LINGO2: variants seen among roughly 807,000 people sequenced by gnomAD.
LINGO2 encodes the protein leucine-rich repeat and immunoglobulin-like domain-containing nogo receptor-interacting protein 2.
LINGO2 carries 14 observed loss-of-function variants against 30.6 expected under a neutral mutation model. The ratio of observed to expected loss-of-function variants is 0.46; its 90% confidence interval spans 0.30 to 0.72. The LOEUF (loss-of-function observed/expected upper bound fraction) is 0.72, where lower values mean the gene tolerates loss of function less well. LINGO2 is among the 30% of genes least tolerant of loss of function. The probability of loss-of-function intolerance (pLI) is 0.07; values close to 1 mark genes in which losing one functional copy is unlikely to be tolerated. For missense variants in LINGO2, 729 were observed against 751.7 expected (o/e 0.97, Z 0.35); for synonymous variants, 317 against 288.5 (o/e 1.10, Z -1.00).
intron 2 of LINGO2, among the ~76,000 whole-genome samples, chr9:28,458,891 A>G (rs1475452518): frequency 6.6e-6 from 1 of 152,200 alleles, no homozygotes; most frequent in Non-Finnish European, 1.5e-5. Flanking sequence ...ACAAAAAGCT[A>G]TGAAGCATAA....
At chr9:28,918,710 G>A in the LINGO2 span, among the ~76,000 whole-genome samples, 12 of 152,076 alleles carry the variant, frequency 7.9e-5, no homozygotes, top group African/African-American at 2.2e-4. Flanking sequence ...GCGGAATAAC[G>A]TTCCAAATGT....
At chr9:28,095,811 T>A (rs1826226843) in intron 4 of LINGO2, among the ~76,000 whole-genome samples, 2 of 152,140 alleles carry the variant, frequency 1.3e-5, no homozygotes, top group East Asian at 1.9e-4. Context: ...AACCTGCTCA[T>A]CTGACAAAGG....
At chr9:28,341,249 C>G (rs563061670) in intron 3 of LINGO2, among the ~76,000 whole-genome samples, 1 of 151,974 alleles carries the variant, frequency 6.6e-6, no homozygotes, top group African/African-American at 2.4e-5. Context: ...TTAATATATG[C>G]TGACAACAGT....
the LINGO2 span, among the ~76,000 whole-genome samples, chr9:28,952,650 T>A: frequency 6.6e-6 from 1 of 152,036 alleles, no homozygotes; most frequent in African/African-American, 2.4e-5. Flanking sequence ...ACTGGCCTTT[T>A]CGAGACCTAT....
At chr9:28,339,783 A>G (rs768871344) in intron 3 of LINGO2, among the ~76,000 whole-genome samples, 2 of 152,174 alleles carry the variant, frequency 1.3e-5, no homozygotes, top group African/African-American at 2.4e-5. Context: ...CAATGTGAAG[A>G]TCTGTTATTA....
At chr9:29,103,572 T>C in the LINGO2 span, among the ~76,000 whole-genome samples, 1 of 152,064 alleles carries the variant, frequency 6.6e-6, no homozygotes, top group East Asian at 1.9e-4. Flanking sequence ...ATATATTTCT[T>C]TATTTTAGGT....
chr9:28,390,201 G>A lies in LINGO2; in HGVS notation c.-278-17333C>T, dbSNP rs569287950. ...CCACGGTTTCTGCCTTCTGCTGTACGATGCTACCACACATTGTGAGAAAAT... is the reference window on the plus strand; with the variant it reads ...CCACGGTTTCTGCCTTCTGCTGTACAATGCTACCACACATTGTGAGAAAAT... On this transcript the variant is annotated intron_variant, in intron 2 of 5. Transcript: ENST00000379992. Among the ~76,000 whole-genome samples, 9 of 152,158 alleles carry A rather than the reference G, an allele frequency of 5.9e-5. No homozygotes were observed. In the South Asian group the frequency reaches 1.0e-3, roughly 18 times the overall value.
chr9:28,532,202 C>T (rs1821259913), intron 1 of LINGO2, among the ~76,000 whole-genome samples: 1 of 152,094 alleles, frequency 6.6e-6, no homozygotes, highest in African/African-American at 2.4e-5. Context: ...GGGATAATAT[C>T]TTTCAGACAG....
intron 1 of LINGO2, among the ~76,000 whole-genome samples, chr9:28,583,455 T>A (rs1824366659): frequency 6.6e-6 from 1 of 151,928 alleles, no homozygotes; most frequent in Non-Finnish European, 1.5e-5. Context: ...CAGAAAAACA[T>A]TTCCCTTTGA....
the LINGO2 span, among the ~76,000 whole-genome samples, chr9:28,810,308 T>C: frequency 4.6e-5 from 7 of 152,336 alleles, no homozygotes; most frequent in African/African-American, 1.7e-4. Context: ...TTCAGGATCA[T>C]ATCACAAAGG....
chr9:28,118,960 A>G (rs761545386), intron 4 of LINGO2, among the ~76,000 whole-genome samples: 2 of 152,204 alleles, frequency 1.3e-5, no homozygotes, highest in Non-Finnish European at 2.9e-5. Flanking sequence ...AGGGCTTGGA[A>G]ATTAATTGTA....
chr9:29,111,253 A>T, the LINGO2 span, among the ~76,000 whole-genome samples: 1 of 152,188 alleles, frequency 6.6e-6, no homozygotes, highest in Non-Finnish European at 1.5e-5. Flanking sequence ...TATGTCAATC[A>T]CTGTACCATG....
chr9:28,953,271 T>C, the LINGO2 span, among the ~76,000 whole-genome samples: 1 of 152,124 alleles, frequency 6.6e-6, no homozygotes, highest in Non-Finnish European at 1.5e-5. Context: ...TTAAGGTAAA[T>C]GGGTATGAGG....
intron 1 of LINGO2, among the ~76,000 whole-genome samples, chr9:28,551,012 T>C (rs1429989570): frequency 3.3e-5 from 5 of 151,892 alleles, no homozygotes; most frequent in Non-Finnish European, 5.9e-5. Flanking sequence ...ACAAATTTTG[T>C]AATTGCTTGT....
the LINGO2 span, among the ~76,000 whole-genome samples, chr9:28,866,241 A>G: frequency 6.6e-6 from 1 of 152,148 alleles, no homozygotes; most frequent in African/African-American, 2.4e-5. Flanking sequence ...CTCTTGCACT[A>G]TTTAACTTCA....
intron 4 of LINGO2, among the ~76,000 whole-genome samples, chr9:28,161,615 G>A (rs1828289798): frequency 2.6e-5 from 4 of 152,154 alleles, no homozygotes; most frequent in Admixed American, 2.0e-4. Context: ...CCATCTCGAT[G>A]TATATTGAAA....
the LINGO2 span, among the ~76,000 whole-genome samples, chr9:28,681,724 T>A: frequency 6.6e-6 from 1 of 152,086 alleles, no homozygotes; most frequent in African/African-American, 2.4e-5. Context: ...TTTCCCAAAC[T>A]GTGTTCCTTT....
At chr9:28,699,511 A>AAGCTTGTTTG in the LINGO2 span, among the ~76,000 whole-genome samples, 1 of 152,072 alleles carries the variant, frequency 6.6e-6, no homozygotes, top group Non-Finnish European at 1.5e-5. Flanking sequence ...ATTGTAAAAC[A>AAGCTTGTTTG]AGCTTGTTTG....
chr9:28,258,502 A>G (rs929668621), intron 4 of LINGO2, among the ~76,000 whole-genome samples: 13 of 151,940 alleles, frequency 8.6e-5, no homozygotes, highest in African/African-American at 2.7e-4. Context: ...TATTGAAAAC[A>G]CACACACACC....
Sources: gnomAD v4.1 joint callset for allele counts (sites outside exome capture counted in the v4.1 genomes callset) on GRCh38, gnomAD v4.1.1 for gene constraint, MANE v1.5 for transcripts, NCBI Gene and HGNC (gene_info 2026-07-23, HGNC 2026-07-21) for gene names.